Variants in HRH1 observed in about 807,000 individuals in gnomAD.
HRH1 encodes the protein histamine receptor H1, also known as histamine H1 receptor.
Under a neutral mutation model 10.3 loss-of-function variants are expected in HRH1, and 6 were observed. That is an observed-to-expected ratio of 0.58 (90% CI 0.32 to 1.15). HRH1 has a LOEUF of 1.15. Ranked by LOEUF, HRH1 falls within the 50% of genes most tolerant of loss-of-function variation. The probability of loss-of-function intolerance (pLI) is 0.05; values close to 1 mark genes in which losing one functional copy is unlikely to be tolerated. For missense variants in HRH1, 514 were observed against 615.3 expected (o/e 0.84, Z 1.74); for synonymous variants, 242 against 236.7 (o/e 1.02, Z -0.21).
intron 1 of HRH1, among the ~76,000 whole-genome samples, chr3:11,172,434 TCAAA>T (rs1937168892): frequency 6.6e-6 from 1 of 152,208 alleles, no homozygotes; most frequent in Non-Finnish European, 1.5e-5. Flanking sequence ...TGCTGAACAC[TCAAA>T]CAGCAGATAA....
chr3:11,238,071 C>T (rs1939235786), intron 1 of HRH1, among the ~76,000 whole-genome samples: 1 of 130,762 alleles, frequency 7.6e-6, no homozygotes, highest in African/African-American at 2.9e-5. Flanking sequence ...TTTGTTTTGC[C>T]ATTTAGTGAT....
intron 1 of HRH1, among the ~76,000 whole-genome samples, chr3:11,205,572 A>T (rs1169988084): frequency 6.6e-6 from 1 of 152,186 alleles, no homozygotes; most frequent in Non-Finnish European, 1.5e-5. Context: ...AGCGCATGGC[A>T]CATGAATGAT....
chr3:11,154,376 C>T (rs2125004679), upstream of HRH1, among the ~76,000 whole-genome samples: 1 of 151,394 alleles, frequency 6.6e-6, no homozygotes, highest in East Asian at 2.0e-4. This position sits in a 1 kb window ranked among gnomAD's most constrained non-coding sequence, Gnocchi z 4.4. Flanking sequence ...CGCTGCAGGC[C>T]CGCGGGGCCC....
chr3:11,246,061 CAG>C (rs757564999), intron 1 of HRH1, among the ~76,000 whole-genome samples: 4 of 151,868 alleles, frequency 2.6e-5, no homozygotes, highest in Non-Finnish European at 5.9e-5. Flanking sequence ...CACATACACA[CAG>C]ACTCTCACAC....
chr3:11,205,981 A>G (rs1489122217), intron 1 of HRH1, among the ~76,000 whole-genome samples: 1 of 151,790 alleles, frequency 6.6e-6, no homozygotes, highest in South Asian at 2.1e-4. Context: ...TTTTGCTGCT[A>G]TCAGATGGCT....
chr3:11,217,202 A>C (rs543245831), intron 1 of HRH1, among the ~76,000 whole-genome samples: 12 of 139,770 alleles, frequency 8.6e-5, no homozygotes, highest in South Asian at 4.4e-4. Context: ...CAAACACACA[A>C]ACAAACAAAA....
intron 1 of HRH1, among the ~76,000 whole-genome samples, chr3:11,249,125 G>A (rs939030713): frequency 6.6e-6 from 1 of 152,076 alleles, no homozygotes; most frequent in Admixed American, 6.6e-5. Context: ...GGCTGGGCGC[G>A]GTGGCTCATG....
chr3:11,202,847 T>C (rs1034574390), intron 1 of HRH1, among the ~76,000 whole-genome samples: 27 of 152,172 alleles, frequency 1.8e-4, no homozygotes, highest in African/African-American at 6.5e-4. Flanking sequence ...ATAATATGTA[T>C]CCATCATTCT....
In HRH1 at chr3:11,260,794, G is replaced by A. The variant is rs201054505; in HGVS notation, c.*293G>A. The A allele has an allele frequency of 3.2e-5, 11 of 338,876 alleles. No homozygotes were observed. Among genetic ancestry groups the A allele is most frequent in the African/African-American group, 6.4e-5 (3 of 46,644 alleles). The allele number at this position is 338,876 out of a possible 1,614,324, so 21.0% of individuals were successfully genotyped here. On this transcript the variant is annotated 3_prime_UTR_variant, in exon 2 of 2. Transcript: ENST00000431010. ...AAATAATAAAAATAAAAGAGAGAGA[G>A]AATCAGACCTGGGTGGAACTCTCCT...
At position 11,164,886 on chromosome 3, in the gene HRH1, G is replaced by A. The variant is rs151195900; in HGVS notation, c.-36+10332G>A. On this transcript the variant is annotated intron_variant, in intron 1 of 1. Transcript: ENST00000431010. ...GTGCTGAACTGAATGAACTTGAACT[G>A]CTTGCCACACCCAACAGGGAAGAGT... 2.4e-4 allele frequency among the ~76,000 whole-genome samples: 36 copies of A among 152,316 alleles called. 1 individual carries two copies. In the East Asian group the frequency reaches 4.8e-3, roughly 20 times the overall value.
intron 1 of HRH1, among the ~76,000 whole-genome samples, chr3:11,184,356 G>A (rs372328733): frequency 2.6e-5 from 4 of 152,042 alleles, no homozygotes; most frequent in African/African-American, 9.7e-5. Context: ...GCCTAAAATC[G>A]CACCACTCAG....
chr3:11,262,453 A>G lies in HRH1; in HGVS notation c.*1952A>G, dbSNP rs1249870936. On this transcript the variant is annotated 3_prime_UTR_variant, in exon 2 of 2. Coordinates refer to ENST00000431010, the MANE Select transcript of HRH1 (RefSeq NM_001098212.2). The stretch of plus-strand genomic sequence containing the variant: ...TTTCAAAAGGATTTACTTTTTGTAA[A>G]AAGCTTCATTCTCACTCTGCTTTGC... 1.8e-5 allele frequency: 3 copies of G among 167,076 alleles called. No individual in the cohort carries two copies. In the East Asian group the frequency reaches 5.8e-4, roughly 32 times the overall value. 10.3% of individuals were successfully genotyped at this position (167,076 alleles called of 1,614,324 possible). A position where few individuals can be genotyped will look rare whatever the true frequency, so the allele number is the denominator to read the frequency against.
At position 11,259,827 on chromosome 3, in the gene HRH1, C is replaced by G. The variant is rs149582378; in HGVS notation, c.790C>G (p.Pro264Ala). The change falls in exon 2 of 2, where the codon CCA becomes GCA. Residue 264 changes from proline (P) to alanine (A), a missense_variant. Coordinates refer to ENST00000431010, the MANE Select transcript of HRH1 (RefSeq NM_001098212.2). The surrounding 1 kb of genome is among the most constrained non-coding windows in gnomAD (Gnocchi z 4.6). ...TCCCTGGGAGGTTCTGAAAAGGAAG[C>G]CAAAAGATGCTGGTGGTGGATCTGT... ...ESPWEVLKRK[P>A]KDAGGGSVLK... The G allele has an allele frequency of 2.5e-6, 4 of 1,613,816 alleles. No homozygotes were observed. The African/African-American group carries it at 4.0e-5, about 16-fold the overall frequency.
intron 1 of HRH1, among the ~76,000 whole-genome samples, chr3:11,191,508 C>G (rs898924167): frequency 6.6e-6 from 1 of 152,212 alleles, no homozygotes; most frequent in Non-Finnish European, 1.5e-5. Context: ...TATCTCTTAA[C>G]TTGCCTGAGT....
chr3:11,222,191 C>T (rs1938731514), intron 1 of HRH1, among the ~76,000 whole-genome samples: 1 of 152,062 alleles, frequency 6.6e-6, no homozygotes, highest in Admixed American at 6.5e-5. Context: ...CACCCACAGT[C>T]AGGAACTGGG....
intron 1 of HRH1, among the ~76,000 whole-genome samples, chr3:11,140,552 C>T (rs1486177458): frequency 6.6e-6 from 1 of 152,160 alleles, no homozygotes; most frequent in African/African-American, 2.4e-5. Context: ...CCCTCCCAGG[C>T]ACCATCCTCT....
intron 1 of HRH1, among the ~76,000 whole-genome samples, chr3:11,201,588 TAAG>T (rs1414114086): frequency 7.9e-5 from 12 of 152,082 alleles, no homozygotes; most frequent in Non-Finnish European, 1.8e-4. Flanking sequence ...CAGAGGTTCA[TAAG>T]GACCTGAGGT....
intron 1 of HRH1, among the ~76,000 whole-genome samples, chr3:11,195,565 T>G (rs1212160797): frequency 6.6e-6 from 1 of 152,252 alleles, no homozygotes; most frequent in Non-Finnish European, 1.5e-5. Flanking sequence ...CAGAACCAAG[T>G]GACTCTCATG....
At chr3:11,252,186 T>C (rs1939669939) in intron 1 of HRH1, among the ~76,000 whole-genome samples, 1 of 152,236 alleles carries the variant, frequency 6.6e-6, no homozygotes, top group South Asian at 2.1e-4. Context: ...TAAGAGTCTA[T>C]CCATAGACGG....
Sources: allele counts gnomAD v4.1 joint callset (sites outside exome capture counted in the v4.1 genomes callset), GRCh38; gene constraint gnomAD v4.1.1; non-coding constraint Gnocchi (gnomAD v3.1); transcripts MANE v1.5; gene names NCBI Gene and HGNC (gene_info 2026-07-23, HGNC 2026-07-21).